The following ALDH2 variants were observed in gnomAD, a reference collection of about 807,000 sequenced individuals.
ALDH2 encodes the protein aldehyde dehydrogenase, mitochondrial.
ALDH2 carries 44 observed loss-of-function variants against 59.6 expected under a neutral mutation model. The ratio of observed to expected loss-of-function variants is 0.74; its 90% CI spans 0.58 to 0.95. The LOEUF (loss-of-function observed/expected upper bound fraction) is 0.95, where lower values mean the gene tolerates loss of function less well. Ranked by LOEUF, ALDH2 falls within the 40% of genes least tolerant of loss-of-function variation. The pLI, the probability that ALDH2 is intolerant of heterozygous loss-of-function variation, is 0.00. For missense variants in ALDH2, 570 were observed against 696.3 expected (o/e 0.82, Z 2.04); for synonymous variants, 291 against 284.0 (o/e 1.02, Z -0.25).
Position 111,785,136 on chromosome 12 carries a change from G to GC in ALDH2, c.361-131_361-130insC, listed in dbSNP as rs112230847. 5.0e-3 allele frequency: 3,810 copies of GC among 754,492 alleles called. 110 individuals are homozygous for GC. The African/African-American group carries it at 0.057, about 11-fold the overall frequency. 46.7% of individuals were successfully genotyped at this position (754,492 alleles called of 1,614,324 possible). A position where few individuals can be genotyped will look rare whatever the true frequency, so the allele number is the denominator to read the frequency against. On this transcript the variant is annotated intron_variant, in intron 3 of 12. Transcript: ENST00000261733. ...AGTCCAGAGATGCTAGTGACATTTG[G>GC]GGCACAAAGCGGACTCTCACCCTGG...
intron 5 of ALDH2, 25 bp downstream of exon 5, chr12:111,789,959 C>A: frequency 6.2e-7 from 1 of 1,603,644 alleles, no homozygotes; most frequent in Non-Finnish European, 8.5e-7. Context: ...CCTGGAGTTT[C>A]TTCAGGGTGC....
At chr12:111,769,420 A>AAAAT (rs1211251088) in intron 1 of ALDH2, among the ~76,000 whole-genome samples, 5 of 152,102 alleles carry the variant, frequency 3.3e-5, no homozygotes, top group African/African-American at 1.2e-4. Flanking sequence ...CATCTCTTAA[A>AAAAT]AAATAAATAA....
chr12:111,776,960 C>T (rs1250257771), intron 1 of ALDH2, among the ~76,000 whole-genome samples: 1 of 152,148 alleles, frequency 6.6e-6, no homozygotes, highest in African/African-American at 2.4e-5. Flanking sequence ...GCTGGGATTA[C>T]AGGGATGAGC....
At position 111,816,861 on chromosome 12, in the gene ALDH2, ATTTTG is replaced by A. The variant is rs2068572674; in HGVS notation, c.*7293_*7297del. ...TTGAGTTTGTTTATTTAAATCAAGA[ATTTTG>A]TTTTGTAATTCACCGATATCAAAGG... On this transcript the variant is annotated 3_prime_UTR_variant, in exon 13 of 13. Transcript: ENST00000261733. The A allele has an allele frequency of 6.6e-6, 1 of 152,222 alleles. No homozygotes were observed. Among genetic ancestry groups the A allele is most frequent in the Non-Finnish European group, 1.5e-5 (1 of 68,040 alleles). 9.4% of individuals were successfully genotyped at this position (152,222 alleles called of 1,614,324 possible).
In ALDH2 at chr12:111,814,061, A is replaced by G. The variant is rs2068554088; in HGVS notation, c.*4486A>G. On this transcript the variant is annotated 3_prime_UTR_variant, in exon 13 of 13. Coordinates refer to ENST00000261733, the MANE Select transcript of ALDH2 (RefSeq NM_000690.4). ...AGCCTGGCCAACATGGTGAAATCCC[A>G]TCTCGGCCGGGCGCGGTGGCTCACG... 1 of 152,348 alleles carries G rather than the reference A, an allele frequency of 6.6e-6. No individual in the cohort carries two copies. Among genetic ancestry groups the G allele is most frequent in the Admixed American group, 6.5e-5 (1 of 15,272 alleles). The allele number at this position is 152,348 out of a possible 1,614,324, so 9.4% of individuals were successfully genotyped here.
chr12:111,773,433 G>A (rs547033571), intron 1 of ALDH2, among the ~76,000 whole-genome samples: 2 of 152,284 alleles, frequency 1.3e-5, no homozygotes, highest in African/African-American at 4.8e-5. Context: ...TGTATTCCCT[G>A]CTCCAGTAAT....
At chr12:111,773,210 G>A (rs567497269) in intron 1 of ALDH2, among the ~76,000 whole-genome samples, 5 of 151,636 alleles carry the variant, frequency 3.3e-5, no homozygotes, top group Non-Finnish European at 7.4e-5. Flanking sequence ...CAGTGACACC[G>A]CCCGCCTCAG....
intron 12 of ALDH2, among the ~76,000 whole-genome samples, chr12:111,807,161 G>A (rs1156768935): frequency 1.3e-5 from 2 of 151,980 alleles, no homozygotes; most frequent in East Asian, 3.9e-4. Flanking sequence ...TACTTGGGAG[G>A]CTGAGGCAGG....
chr12:111,796,188 G>C (rs979508106), intron 9 of ALDH2, among the ~76,000 whole-genome samples: 7 of 151,600 alleles, frequency 4.6e-5, no homozygotes, highest in Non-Finnish European at 1.0e-4. Context: ...TGGGCGTGGT[G>C]GTGGGCGCCT....
At position 111,792,561 on chromosome 12, in the gene ALDH2, C is replaced by T. The variant is rs758997044; in HGVS notation, c.899-37C>T. ...CCACCAGGGCCAGGGTCCTCCTCCT[C>T]ACTGTCACCTTTCTGTCTCCTGCCC... On this transcript the variant is annotated intron_variant, in intron 8 of 12. Coordinates refer to ENST00000261733, the MANE Select transcript of ALDH2 (RefSeq NM_000690.4). 2.5e-6 allele frequency: 4 copies of T among 1,595,000 alleles called. No homozygotes were observed. The South Asian group carries it at 3.3e-5, about 13-fold the overall frequency.
At chr12:111,786,447 A>C (rs2136015564) in intron 4 of ALDH2, among the ~76,000 whole-genome samples, 1 of 152,224 alleles carries the variant, frequency 6.6e-6, no homozygotes, top group East Asian at 1.9e-4. Flanking sequence ...CGTGTTAGCC[A>C]GGATGGTCTC....
At chr12:111,788,446 A>G (rs2068329913) in intron 4 of ALDH2, among the ~76,000 whole-genome samples, 1 of 152,252 alleles carries the variant, frequency 6.6e-6, no homozygotes, top group Non-Finnish European at 1.5e-5. Context: ...CCCAGATGTC[A>G]GCAGTGCCAA....
chr12:111,780,666 A>G (rs1452644938), intron 1 of ALDH2, among the ~76,000 whole-genome samples: 1 of 151,908 alleles, frequency 6.6e-6, no homozygotes, highest in Non-Finnish European at 1.5e-5. Context: ...CTTCGCCTTC[A>G]TCTGTACAGT....
intron 10 of ALDH2, among the ~76,000 whole-genome samples, chr12:111,799,457 G>A (rs1371822753): frequency 1.3e-5 from 2 of 151,580 alleles, no homozygotes; most frequent in South Asian, 2.1e-4. Context: ...GTGAGCCATC[G>A]TGCCTGGCCA....
At chr12:111,802,402 ACT>A (rs1004304294) in intron 11 of ALDH2, among the ~76,000 whole-genome samples, 13 of 130,020 alleles carry the variant, frequency 1.0e-4, no homozygotes, top group Non-Finnish European at 1.9e-4. Flanking sequence ...ACAGAGCAAG[ACT>A]CTGTCTCAAA....
intron 1 of ALDH2, among the ~76,000 whole-genome samples, chr12:111,779,886 G>A (rs1051450959): frequency 1.3e-5 from 2 of 152,154 alleles, no homozygotes; most frequent in African/African-American, 2.4e-5. Flanking sequence ...GGCACTTTAT[G>A]TATGTATTTA....
intron 4 of ALDH2, among the ~76,000 whole-genome samples, chr12:111,788,949 G>A (rs987863467): frequency 1.3e-5 from 2 of 152,016 alleles, no homozygotes; most frequent in African/African-American, 4.8e-5. Context: ...AGGCTACAGT[G>A]AGTTATGATT....
rs547099564 is a variant in ALDH2, at chr12:111,811,763, C to T, written c.*2188C>T. ...TACTGGGATTACAAGTGTGAGCCAC[C>T]GTGCCCGGCCAACTGTAGGGACCAG... On this transcript the variant is annotated 3_prime_UTR_variant, in exon 13 of 13. Coordinates refer to ENST00000261733, the MANE Select transcript of ALDH2 (RefSeq NM_000690.4). 2 of 152,806 alleles carry T rather than the reference C, an allele frequency of 1.3e-5. No homozygotes were observed. The highest frequency in any genetic ancestry group is 2.1e-4 in the South Asian group (1 of 4,852). The allele number at this position is 152,806 out of a possible 1,614,324, so 9.5% of individuals were successfully genotyped here.
chr12:111,798,596 A>G (rs1437817183), intron 10 of ALDH2, among the ~76,000 whole-genome samples: 1 of 151,920 alleles, frequency 6.6e-6, no homozygotes, highest in African/African-American at 2.4e-5. Flanking sequence ...GTGCAGTGGC[A>G]TAATCATGGC....
Sources: allele counts gnomAD v4.1 joint callset (sites outside exome capture counted in the v4.1 genomes callset), GRCh38; gene constraint gnomAD v4.1.1; transcripts MANE v1.5; gene names NCBI Gene and HGNC (gene_info 2026-07-23, HGNC 2026-07-21).